Variants in EYS observed in about 807,000 individuals in gnomAD.
EYS encodes EGF-like photoreceptor maintenance factor.
Under a neutral mutation model 282.1 loss-of-function variants are expected in EYS, and 250 were observed. The observed-to-expected ratio is 0.89, with a 90% CI of 0.80 to 0.98. The LOEUF (loss-of-function observed/expected upper bound fraction) is 0.98, where lower values mean the gene tolerates loss of function less well. Ranked by LOEUF, EYS falls within the 50% of genes least tolerant of loss-of-function variation. The pLI, the probability that EYS is intolerant of heterozygous loss-of-function variation, is 0.00. For missense variants in EYS, 4,016 were observed against 3,709.0 expected (o/e 1.08, Z -2.15); for synonymous variants, 1,355 against 1,282.9 (o/e 1.06, Z -1.20).
At chr6:64,353,409 G>C (rs559627883) in intron 29 of EYS, among the ~76,000 whole-genome samples, 1 of 151,474 alleles carries the variant, frequency 6.6e-6, no homozygotes, top group South Asian at 2.1e-4. Flanking sequence ...GCATCTTCTA[G>C]ATTAGGCATT....
At chr6:64,490,922 A>G (rs1198191436) in intron 26 of EYS, among the ~76,000 whole-genome samples, 1 of 150,808 alleles carries the variant, frequency 6.6e-6, no homozygotes, top group Admixed American at 6.6e-5. Context: ...CTATTAAAAG[A>G]GAGGAAACCT....
rs1012100432 is a variant in EYS, at chr6:64,010,168, G to A, written c.6726-10985C>T. ...TCCAGTCCGCTGGCCAGAACGCTCC[G>A]GTGAAGGGGAGCTGGCCAAAGCACT... is the stretch of plus-strand genomic sequence containing the variant. On this transcript the variant is annotated intron_variant, in intron 33 of 42. Transcript: ENST00000503581. Among the ~76,000 whole-genome samples, 14 of 152,326 alleles carry A rather than the reference G, an allele frequency of 9.2e-5. No homozygotes were observed. In the East Asian group the frequency reaches 2.7e-3, roughly 29 times the overall value.
chr6:64,055,846 T>G (rs1165951668), intron 33 of EYS, among the ~76,000 whole-genome samples: 1 of 152,120 alleles, frequency 6.6e-6, no homozygotes, highest in Non-Finnish European at 1.5e-5. Context: ...ATAGTGGGTG[T>G]GGGGATACCT....
chr6:65,509,199 G>A (rs1457283704), intron 2 of EYS, among the ~76,000 whole-genome samples: 1 of 152,150 alleles, frequency 6.6e-6, no homozygotes, highest in Non-Finnish European at 1.5e-5. Context: ...GCCTCTGCAG[G>A]AGGTACAGAC....
At position 65,055,960 on chromosome 6, in the gene EYS, T is replaced by C. The variant is rs547670856; in HGVS notation, c.2137+1654A>G. 9.9e-5 allele frequency among the ~76,000 whole-genome samples: 15 copies of C among 152,178 alleles called. No homozygotes were observed. The South Asian group carries it at 2.7e-3, about 27-fold the overall frequency. ...TTTGAAAGCCAGTCACTATCTGCTG[T>C]CCAAATTTAAGGGATGGGGAGTTTT... On this transcript the variant is annotated intron_variant, in intron 13 of 42. Coordinates refer to ENST00000503581, the MANE Select transcript of EYS (RefSeq NM_001142800.2).
intron 31 of EYS, among the ~76,000 whole-genome samples, chr6:64,206,603 A>G (rs1375305521): frequency 6.6e-6 from 1 of 152,182 alleles, no homozygotes; most frequent in African/African-American, 2.4e-5. Flanking sequence ...TACAACATCG[A>G]AAGATGGGAC....
chr6:65,288,240 A>G (rs1768424559), intron 12 of EYS, among the ~76,000 whole-genome samples: 2 of 151,006 alleles, frequency 1.3e-5, no homozygotes, highest in South Asian at 4.1e-4. Flanking sequence ...ATTGACAAAC[A>G]TATTATGTCT....
intron 15 of EYS, among the ~76,000 whole-genome samples, chr6:64,920,661 C>T (rs960262939): frequency 1.3e-5 from 2 of 152,016 alleles, no homozygotes; most frequent in African/African-American, 2.4e-5. Context: ...AATATCCATA[C>T]CTATACCCAC....
intron 13 of EYS, among the ~76,000 whole-genome samples, chr6:65,029,812 G>C (rs1298771210): frequency 6.6e-6 from 1 of 152,190 alleles, no homozygotes; most frequent in East Asian, 1.9e-4. Context: ...ATGGAAAGAA[G>C]ATGGATACCC....
At chr6:64,079,762 C>G (rs1359455019) in intron 32 of EYS, among the ~76,000 whole-genome samples, 8 of 152,238 alleles carry the variant, frequency 5.3e-5, no homozygotes, top group African/African-American at 9.6e-5. Flanking sequence ...GTGATGTTCC[C>G]CTTCCTGTGT....
At chr6:64,163,254 T>G (rs1336768734) in intron 31 of EYS, among the ~76,000 whole-genome samples, 1 of 152,244 alleles carries the variant, frequency 6.6e-6, no homozygotes, top group African/African-American at 2.4e-5. Context: ...TACATAATAT[T>G]ATTTTTTCTT....
At chr6:64,009,563 C>T (rs1451252548) in intron 33 of EYS, among the ~76,000 whole-genome samples, 2 of 152,156 alleles carry the variant, frequency 1.3e-5, no homozygotes, top group African/African-American at 2.4e-5. Flanking sequence ...GGATTACAAG[C>T]GCGAGCCACT....
At chr6:65,672,284 C>A (rs937240312) in intron 1 of EYS, among the ~76,000 whole-genome samples, 1 of 152,002 alleles carries the variant, frequency 6.6e-6, no homozygotes, top group South Asian at 2.1e-4. Context: ...TGCCTGAGGC[C>A]AATGAGGAGA....
chr6:65,343,509 C>T (rs1283127808), intron 10 of EYS, among the ~76,000 whole-genome samples: 1 of 151,214 alleles, frequency 6.6e-6, no homozygotes, highest in African/African-American at 2.4e-5. Context: ...TTGTATAAGA[C>T]AGTGGTGAGG....
chr6:64,546,564 C>G (rs1764876954), intron 26 of EYS, among the ~76,000 whole-genome samples: 1 of 152,046 alleles, frequency 6.6e-6, no homozygotes, highest in South Asian at 2.1e-4. Flanking sequence ...CAAAAGAAAC[C>G]ACCATCAGAA....
intron 12 of EYS, among the ~76,000 whole-genome samples, chr6:65,087,758 G>T (rs1006465651): frequency 6.6e-6 from 1 of 152,168 alleles, no homozygotes; most frequent in Non-Finnish European, 1.5e-5. Flanking sequence ...GCTTCCATTT[G>T]TGATTTTCTG....
intron 33 of EYS, among the ~76,000 whole-genome samples, chr6:64,001,668 TA>T (rs1183937755): frequency 6.6e-6 from 1 of 152,206 alleles, no homozygotes; most frequent in East Asian, 1.9e-4. Context: ...TTAAATCAAG[TA>T]ATTTAAATAA....
chr6:64,795,150 G>C (rs1395746541), intron 22 of EYS, among the ~76,000 whole-genome samples: 1 of 151,666 alleles, frequency 6.6e-6, no homozygotes, highest in Non-Finnish European at 1.5e-5. Flanking sequence ...CAGAAGAATC[G>C]CTAGAACCAG....
intron 35 of EYS, among the ~76,000 whole-genome samples, chr6:63,902,265 G>A (rs1378508362): frequency 1.3e-5 from 2 of 152,084 alleles, no homozygotes; most frequent in Admixed American, 6.5e-5. Flanking sequence ...AAAAAATTCT[G>A]ATTGTCAATC....
Sources: gnomAD v4.1 joint callset for allele counts (sites outside exome capture counted in the v4.1 genomes callset) on GRCh38, gnomAD v4.1.1 for gene constraint, MANE v1.5 for transcripts, NCBI Gene and HGNC (gene_info 2026-07-23, HGNC 2026-07-21) for gene names.